The following SLC4A10 variants were observed in gnomAD, a reference collection of about 807,000 sequenced individuals.
SLC4A10 encodes the protein solute carrier family 4 member 10, also known as sodium-driven chloride bicarbonate exchanger.
A neutral mutation model predicts 137.7 loss-of-function variants in SLC4A10; 42 were observed. The ratio of observed to expected loss-of-function variants is 0.30; its 90% confidence interval spans 0.24 to 0.39. SLC4A10 has a LOEUF of 0.39. Ranked by LOEUF, SLC4A10 falls within the 10% of genes least tolerant of loss-of-function variation. The pLI, the probability that SLC4A10 is intolerant of heterozygous loss-of-function variation, is 1.00. For synonymous variants in SLC4A10, 474 were observed against 464.1 expected, an observed-to-expected ratio of 1.02 and a Z score of -0.27; for missense variants, 925 against 1,355.0, an observed-to-expected ratio of 0.68 and a Z score of 4.98.
chr2:161,646,676 T>C (rs1049553277), intron 1 of SLC4A10, among the ~76,000 whole-genome samples: 1 of 151,966 alleles, frequency 6.6e-6, no homozygotes, highest in Non-Finnish European at 1.5e-5. Context: ...AATAAGTAAA[T>C]ATATATTTTG....
At chr2:161,871,630 C>G (rs2061132750) in intron 6 of SLC4A10, among the ~76,000 whole-genome samples, 2 of 152,000 alleles carry the variant, frequency 1.3e-5, no homozygotes. Context: ...TAATGCAAAA[C>G]TAATACAATT....
chr2:161,928,646 A>G (rs1162643372), intron 15 of SLC4A10, among the ~76,000 whole-genome samples: 1 of 141,466 alleles, frequency 7.1e-6, no homozygotes. Context: ...CAATCCTTGA[A>G]AGCAAAAAAA....
chr2:161,812,797 G>C (rs1036465558), intron 3 of SLC4A10, among the ~76,000 whole-genome samples: 1 of 151,966 alleles, frequency 6.6e-6, no homozygotes, highest in African/African-American at 2.4e-5. Context: ...CCATGTCTTT[G>C]CTATGGTGAA....
At chr2:161,920,373 T>G (rs2105494619) in intron 15 of SLC4A10, among the ~76,000 whole-genome samples, 1 of 151,762 alleles carries the variant, frequency 6.6e-6, no homozygotes, top group South Asian at 2.1e-4. Context: ...AAGAACAACC[T>G]CTAGAGACAA....
intron 1 of SLC4A10, among the ~76,000 whole-genome samples, chr2:161,706,287 G>C (rs1490783074): frequency 6.6e-6 from 1 of 151,550 alleles, no homozygotes; most frequent in Non-Finnish European, 1.5e-5. Flanking sequence ...TTCTTGCTGT[G>C]ACAAAATACC....
At chr2:161,734,543 C>A (rs573372876) in intron 1 of SLC4A10, among the ~76,000 whole-genome samples, 2 of 152,100 alleles carry the variant, frequency 1.3e-5, no homozygotes, top group South Asian at 4.2e-4. Flanking sequence ...TTATCAGCAG[C>A]ATGAAAATGA....
At chr2:161,896,174 C>A (rs1307607292) in intron 11 of SLC4A10, among the ~76,000 whole-genome samples, 7 of 152,090 alleles carry the variant, frequency 4.6e-5, no homozygotes, top group Non-Finnish European at 7.4e-5. Context: ...ATAGGGAATC[C>A]TTTCCCCATT....
intron 1 of SLC4A10, among the ~76,000 whole-genome samples, chr2:161,701,017 C>T (rs1301697443): frequency 2.6e-5 from 4 of 152,042 alleles, no homozygotes; most frequent in African/African-American, 9.7e-5. Context: ...CTCTATGACA[C>T]GCAGTGCGCT....
chr2:161,663,401 T>G (rs2105728527), intron 1 of SLC4A10, among the ~76,000 whole-genome samples: 1 of 152,282 alleles, frequency 6.6e-6, no homozygotes, highest in African/African-American at 2.4e-5. Context: ...ACAATTATTT[T>G]TAAGTGGCGA....
intron 14 of SLC4A10, 120 bp downstream of exon 14, chr2:161,905,029 A>G (rs1291318850): frequency 1.3e-5 from 13 of 996,918 alleles, no homozygotes; most frequent in Middle Eastern, 3.0e-4. Flanking sequence ...GATTTGTTTC[A>G]GTTTATCATT....
At chr2:161,759,793 T>G (rs943445216) in intron 1 of SLC4A10, among the ~76,000 whole-genome samples, 1 of 152,066 alleles carries the variant, frequency 6.6e-6, no homozygotes, top group East Asian at 1.9e-4. Context: ...TTGCAAATAT[T>G]TTTTCCCATC....
chr2:161,808,144 G>T (rs1002650110), intron 3 of SLC4A10, among the ~76,000 whole-genome samples: 1 of 151,984 alleles, frequency 6.6e-6, no homozygotes, highest in African/African-American at 2.4e-5. Flanking sequence ...TAATGAGAAT[G>T]TATATTATTA....
rs368708443 is a variant in SLC4A10 at position 161,637,850 on chromosome 2, T to C, written c.48+13284T>C. ...GTGGTTTTGATTTGCATTTCCCTGA[T>C]TGTTAGTGATGTTGAGCAGTTTTTC... On this transcript the variant is annotated intron_variant, in intron 1 of 26. Coordinates refer to ENST00000446997, the MANE Select transcript of SLC4A10 (RefSeq NM_001178015.2). Among the ~76,000 whole-genome samples the C allele has an allele frequency of 3.3e-5, 5 of 152,280 alleles. No individual in the cohort carries two copies. In the East Asian group the frequency reaches 7.7e-4, roughly 24 times the overall value.
intron 6 of SLC4A10, among the ~76,000 whole-genome samples, chr2:161,863,924 G>C (rs889884086): frequency 6.6e-6 from 1 of 152,006 alleles, no homozygotes; most frequent in African/African-American, 2.4e-5. Context: ...GTTCTAGGCC[G>C]GGCGCAGTGG....
At chr2:161,767,235 C>CATATAT (rs72106317) in intron 1 of SLC4A10, among the ~76,000 whole-genome samples, 9 of 114,830 alleles carry the variant, frequency 7.8e-5, no homozygotes, top group East Asian at 2.6e-4. Flanking sequence ...TATATATACA[C>CATATAT]ATATATATAT....
rs145048104 is a variant in SLC4A10 at position 161,695,727 on chromosome 2, A to G, written c.48+71161A>G. ...AAGAGTAAGCATGTTCAAAATTATT[A>G]TAGCTCTATTTACAGTCAGGCTTAA... is the stretch of plus-strand genomic sequence containing the variant. On this transcript the variant is annotated intron_variant, in intron 1 of 26. Coordinates refer to ENST00000446997, the MANE Select transcript of SLC4A10 (RefSeq NM_001178015.2). Among the ~76,000 whole-genome samples the G allele has an allele frequency of 5.3e-3, 806 of 152,222 alleles. 10 individuals are homozygous for G. The highest frequency in any genetic ancestry group is 0.035 in the South Asian group (169 of 4,824).
chr2:161,720,109 A>G (rs2045465676), intron 1 of SLC4A10, among the ~76,000 whole-genome samples: 1 of 152,224 alleles, frequency 6.6e-6, no homozygotes, highest in South Asian at 2.1e-4. Flanking sequence ...AACTTTCTAC[A>G]TATGGCTAGC....
At chr2:161,637,721 C>T (rs866332010) in intron 1 of SLC4A10, among the ~76,000 whole-genome samples, 3 of 152,058 alleles carry the variant, frequency 2.0e-5, no homozygotes, top group African/African-American at 7.2e-5. Flanking sequence ...AATGGCTATA[C>T]AAATTTATTC....
chr2:161,840,361 A>T (rs552215007), intron 4 of SLC4A10, among the ~76,000 whole-genome samples: 1 of 152,344 alleles, frequency 6.6e-6, no homozygotes, highest in Non-Finnish European at 1.5e-5. Context: ...TTTCATGAGG[A>T]TAAAAATAAT....
Sources: allele counts gnomAD v4.1 joint callset (sites outside exome capture counted in the v4.1 genomes callset), GRCh38; gene constraint gnomAD v4.1.1; transcripts MANE v1.5; gene names NCBI Gene and HGNC (gene_info 2026-07-23, HGNC 2026-07-21).